The following CHODL variants were observed in gnomAD, a reference collection of about 807,000 sequenced individuals.
CHODL encodes the protein transmembrane protein MT75.
CHODL carries 29 observed loss-of-function variants against 34.5 expected under a neutral mutation model. The ratio of observed to expected loss-of-function variants is 0.84; its 90% CI spans 0.63 to 1.15. The LOEUF (loss-of-function observed/expected upper bound fraction) is 1.15. Among genes scored for constraint, CHODL ranks in the 50% most tolerant of loss-of-function variants. The pLI is 0.00. For synonymous variants in CHODL, 125 were observed against 116.1 expected (o/e 1.08, Z -0.49); for missense variants, 332 against 332.5 (o/e 1.00, Z 0.01).
At chr21:17,957,566 TG>T (rs917580867) in intron 1 of CHODL, among the ~76,000 whole-genome samples, 10 of 152,280 alleles carry the variant, frequency 6.6e-5, no homozygotes, top group African/African-American at 2.4e-4. Flanking sequence ...GAGGTCTTTT[TG>T]TACCTTTTTT....
At chr21:18,151,082 C>CA (rs61176066) in intron 2 of CHODL, among the ~76,000 whole-genome samples, 10,266 of 122,164 alleles carry the variant, frequency 0.084, 557 homozygotes, top group East Asian at 0.2. Context: ...GACTCTGTGT[C>CA]AAAAAAAAAA....
chr21:18,213,927 G>T (rs950480441), intron 2 of CHODL, among the ~76,000 whole-genome samples: 1 of 151,992 alleles, frequency 6.6e-6, no homozygotes, highest in Non-Finnish European at 1.5e-5. Context: ...TGGGAAGGAG[G>T]GAAAGACCCT....
chr21:18,238,566 C>G (rs1568949867), intron 2 of CHODL, among the ~76,000 whole-genome samples: 1 of 151,970 alleles, frequency 6.6e-6, no homozygotes, highest in African/African-American at 2.4e-5. Context: ...TGGGTGGGGA[C>G]ACAGAGCCAA....
At chr21:18,251,399 T>A (rs150322019) in intron 1 of CHODL, among the ~76,000 whole-genome samples, 1,185 of 46,860 alleles carry the variant, frequency 0.025, 75 homozygotes, top group African/African-American at 0.13. Context: ...TTTTAATATA[T>A]AAAATATGTA....
At chr21:18,233,016 T>C (rs2073997610) in intron 2 of CHODL, among the ~76,000 whole-genome samples, 1 of 143,132 alleles carries the variant, frequency 7.0e-6, no homozygotes. Context: ...ACACACACAG[T>C]GTGGAATGAT....
chr21:18,120,078 C>G (rs1198537121), intron 2 of CHODL, among the ~76,000 whole-genome samples: 1 of 152,048 alleles, frequency 6.6e-6, no homozygotes, highest in Non-Finnish European at 1.5e-5. Flanking sequence ...TCCCCAGTAG[C>G]TCTTGATTAG....
At chr21:18,002,272 TA>T (rs1380822826) in intron 1 of CHODL, among the ~76,000 whole-genome samples, 1 of 152,200 alleles carries the variant, frequency 6.6e-6, no homozygotes, top group Non-Finnish European at 1.5e-5. Flanking sequence ...TATTCTTCTT[TA>T]AAAATTATAT....
At chr21:17,992,339 A>G (rs540180517) in intron 1 of CHODL, among the ~76,000 whole-genome samples, 3 of 152,142 alleles carry the variant, frequency 2.0e-5, no homozygotes, top group South Asian at 2.1e-4. Context: ...TTCTATTTCT[A>G]TGAAGACTAT....
intron 2 of CHODL, among the ~76,000 whole-genome samples, chr21:18,235,573 T>C (rs1043955746): frequency 2.6e-5 from 4 of 152,108 alleles, no homozygotes; most frequent in Non-Finnish European, 5.9e-5. Context: ...ATTTTTGTTA[T>C]AAAAGAGTTA....
intron 2 of CHODL, among the ~76,000 whole-genome samples, chr21:18,173,661 C>T (rs2073258298): frequency 6.6e-6 from 1 of 151,974 alleles, no homozygotes; most frequent in African/African-American, 2.4e-5. Flanking sequence ...CTCTCAAGGC[C>T]TTAGTCAATA....
At chr21:18,157,677 C>T (rs1445819073) in intron 2 of CHODL, among the ~76,000 whole-genome samples, 1 of 152,146 alleles carries the variant, frequency 6.6e-6, no homozygotes, top group East Asian at 1.9e-4. Context: ...TGGATAACAT[C>T]CAATGTTTAC....
At chr21:17,977,529 T>G in intron 1 of CHODL, among the ~76,000 whole-genome samples, 1 of 150,712 alleles carries the variant, frequency 6.6e-6, no homozygotes, top group East Asian at 2.0e-4. Context: ...CCAGCTAATT[T>G]TTTTGTATTT....
intron 2 of CHODL, among the ~76,000 whole-genome samples, chr21:18,059,618 C>T (rs2064631628): frequency 6.6e-6 from 1 of 151,910 alleles, no homozygotes; most frequent in African/African-American, 2.4e-5. Context: ...GCCCAGCATC[C>T]ATTAGCTATT....
At chr21:18,096,894 T>C (rs1188718589) in intron 2 of CHODL, among the ~76,000 whole-genome samples, 1 of 152,144 alleles carries the variant, frequency 6.6e-6, no homozygotes, top group African/African-American at 2.4e-5. Context: ...CCTACCAATA[T>C]GTGATGGCAC....
intron 1 of CHODL, among the ~76,000 whole-genome samples, chr21:18,250,015 G>A (rs1324650392): frequency 1.3e-5 from 2 of 152,214 alleles, no homozygotes; most frequent in East Asian, 1.9e-4. Flanking sequence ...AGGAGAGGTC[G>A]TCTTTTCCCA....
At chr21:18,182,363 C>T (rs905164498) in intron 2 of CHODL, among the ~76,000 whole-genome samples, 1 of 152,186 alleles carries the variant, frequency 6.6e-6, no homozygotes, top group African/African-American at 2.4e-5. Context: ...GGCCTGTGCT[C>T]TTTCTCCACT....
intron 1 of CHODL, among the ~76,000 whole-genome samples, chr21:18,251,503 TA>T (rs1455298892): frequency 4.6e-5 from 6 of 130,284 alleles, no homozygotes; most frequent in African/African-American, 1.8e-4. Context: ...AATAAATATT[TA>T]TTTTAATATA....
At chr21:18,219,051 C>T (rs1327178593) in intron 2 of CHODL, among the ~76,000 whole-genome samples, 2 of 152,128 alleles carry the variant, frequency 1.3e-5, no homozygotes, top group African/African-American at 4.8e-5. Context: ...TGCCTGTTAC[C>T]CAGTTCCAAA....
intron 2 of CHODL, among the ~76,000 whole-genome samples, chr21:18,236,662 C>G (rs73316297): frequency 0.032 from 4,819 of 152,000 alleles, 264 homozygotes; most frequent in African/African-American, 0.11. Flanking sequence ...CAGGCAGTTT[C>G]ATAATTCAAA....
Sources: gnomAD v4.1 joint callset for allele counts (sites outside exome capture counted in the v4.1 genomes callset) on GRCh38, gnomAD v4.1.1 for gene constraint, MANE v1.5 for transcripts, NCBI Gene and HGNC (gene_info 2026-07-23, HGNC 2026-07-21) for gene names.